Variants in ALDH7A1 observed in about 807,000 individuals in gnomAD.
ALDH7A1 encodes aldehyde dehydrogenase 7 family member A1.
Under a neutral mutation model 79.9 loss-of-function variants are expected in ALDH7A1, and 63 were observed. The ratio of observed to expected loss-of-function variants is 0.79; its 90% confidence interval spans 0.64 to 0.97. The LOEUF is 0.97. Among genes scored for constraint, ALDH7A1 ranks in the 50% least tolerant of loss-of-function variants. The pLI is 0.00. For synonymous variants in ALDH7A1, 240 were observed against 231.2 expected (o/e 1.04, Z -0.34); for missense variants, 627 against 665.2 (o/e 0.94, Z 0.63).
At chr5:126,555,497 A>G (rs1750159978) in intron 12 of ALDH7A1, 1 of 169,492 alleles carries the variant, frequency 5.9e-6, no homozygotes, top group African/African-American at 2.4e-5. Context: ...AAAAAAAAAA[A>G]AAAAAAGAAA....
chr5:126,578,334 T>C (rs1193353769), intron 5 of ALDH7A1, among the ~76,000 whole-genome samples: 1 of 151,108 alleles, frequency 6.6e-6, no homozygotes, highest in South Asian at 2.1e-4. Context: ...ATCTTTACAT[T>C]CACTATAAGA....
At chr5:126,567,712 T>C in intron 9 of ALDH7A1, 1 of 157,810 alleles carries the variant, frequency 6.3e-6, no homozygotes, top group East Asian at 1.8e-4. Context: ...GACCTCGTGA[T>C]CCACCCACCT....
rs193273728 is a variant in ALDH7A1 at position 126,574,156 on chromosome 5, T to G, written c.695+1264A>C. ...CAGTGGCTCATGCCCATCCCAGCAC[T>G]TTGGGAGGCCAAGGCAGGCGGATCA... On this transcript the variant is annotated intron_variant, in intron 7 of 17. Coordinates refer to ENST00000409134, the MANE Select transcript of ALDH7A1 (RefSeq NM_001182.5). Among the ~76,000 whole-genome samples, 97 of 152,006 alleles carry G rather than the reference T, an allele frequency of 6.4e-4. 2 individuals carry two copies. Among genetic ancestry groups the G allele is most frequent in the Middle Eastern group, 6.8e-3 (2 of 294 alleles).
chr5:126,542,990 C>T lies in ALDH7A1; in HGVS notation c.*1975G>A, dbSNP rs905488831. The T allele has an allele frequency of 6.6e-6, 1 of 152,240 alleles. No homozygotes were observed. The highest frequency in any genetic ancestry group is 1.5e-5 in the Non-Finnish European group (1 of 68,050). The allele number at this position is 152,240 out of a possible 1,614,324, so 9.4% of individuals were successfully genotyped here. A position where few individuals can be genotyped will look rare whatever the true frequency, so the allele number is the denominator to read the frequency against. ...AGCAAGCATGCTGAACACAATTCCC[C>T]GCATCCACAATGGAGGCTGGGCATT... On this transcript the variant is annotated 3_prime_UTR_variant, in exon 18 of 18. Coordinates refer to ENST00000409134, the MANE Select transcript of ALDH7A1 (RefSeq NM_001182.5).
intron 3 of ALDH7A1, among the ~76,000 whole-genome samples, chr5:126,584,938 A>G (rs189213456): frequency 9.2e-4 from 140 of 152,220 alleles, no homozygotes; most frequent in Admixed American, 2.9e-3. Flanking sequence ...ATGAGACACA[A>G]TTTCTCCAAC....
Position 126,561,108 on chromosome 5 carries a change from T to A in ALDH7A1, c.888A>T (p.Glu296Asp). The change falls in exon 10 of 18, where the codon GAA (glutamate) becomes GAT (aspartate). Residue 296 changes from glutamate (E) to aspartate (D), a missense_variant. Coordinates refer to ENST00000409134, the MANE Select transcript of ALDH7A1 (RefSeq NM_001182.5). ...CAATAATGGCATTGTTTCCTCCAAG[T>A]TCCAACAGACTTCTCCCTTAAAAGA... ...VQERFGRSLLELGGNNAIIAF... is the reference protein window; with the variant it reads ...VQERFGRSLLDLGGNNAIIAF... The A allele has an allele frequency of 6.2e-7, 1 of 1,612,912 alleles. No individual in the cohort carries two copies. The highest frequency in any genetic ancestry group is 1.3e-5 in the African/African-American group (1 of 75,036).
intron 8 of ALDH7A1, chr5:126,568,698 T>C (rs552651484): frequency 6.1e-6 from 2 of 329,192 alleles, no homozygotes; most frequent in East Asian, 7.2e-5. Context: ...TTTTAACTGC[T>C]GTGTAATTCC....
At chr5:126,594,438 A>C in intron 1 of ALDH7A1, 1 of 184,586 alleles carries the variant, frequency 5.4e-6, no homozygotes. Context: ...TAAGGTTTTA[A>C]TTTTTTTTTT....
At chr5:126,582,401 T>A (rs2112802058) in intron 5 of ALDH7A1, among the ~76,000 whole-genome samples, 1 of 152,366 alleles carries the variant, frequency 6.6e-6, no homozygotes, top group Non-Finnish European at 1.5e-5. Context: ...TTATTTTTAG[T>A]ACATGCTAAT....
At chr5:126,560,426 G>A (rs1420092951) in intron 10 of ALDH7A1, among the ~76,000 whole-genome samples, 1 of 152,014 alleles carries the variant, frequency 6.6e-6, no homozygotes, top group African/African-American at 2.4e-5. Context: ...AGCTGAGATC[G>A]CACCACTGCA....
chr5:126,560,686 C>T (rs1750373942), intron 10 of ALDH7A1, among the ~76,000 whole-genome samples: 1 of 152,084 alleles, frequency 6.6e-6, no homozygotes, highest in African/African-American at 2.4e-5. Context: ...CTCAATATTC[C>T]ACTAAAGACA....
At chr5:126,548,894 TAAAAAA>T (rs33926729) in intron 16 of ALDH7A1, among the ~76,000 whole-genome samples, 1 of 93,386 alleles carries the variant, frequency 1.1e-5, no homozygotes, top group Non-Finnish European at 2.0e-5. Context: ...GGCCTGTTTC[TAAAAAA>T]AAAAAAAAAA....
Position 126,555,968 on chromosome 5 carries a change from CT to C in ALDH7A1, c.1055del (p.Lys352ArgfsTer27). 1 of 1,613,502 alleles carries C rather than the reference CT, an allele frequency of 6.2e-7. No individual in the cohort carries two copies. ...IHDEVVNRLKKAYAQIRVGNP... is the reference protein window; with the variant it reads ...IHDEVVNRLKXAYAQIRVGNP... ...TCCCAACTCGGATCTGTGCATAGGC[CT>C]TTTTAAGTCTGTTTACAACCTCATC... On this transcript the variant is annotated frameshift_variant, in exon 12 of 18. Transcript: ENST00000409134. LOFTEE classifies it high-confidence loss of function.
At chr5:126,564,451 G>T in intron 9 of ALDH7A1, 1 of 1,030,252 alleles carries the variant, frequency 9.7e-7, no homozygotes. Flanking sequence ...CCCAGCCTTA[G>T]ACATACATTT....
chr5:126,577,533 G>A (rs553033076), intron 5 of ALDH7A1, among the ~76,000 whole-genome samples: 3 of 152,162 alleles, frequency 2.0e-5, no homozygotes, highest in Non-Finnish European at 4.4e-5. Context: ...GATCACAAAG[G>A]GCAGAACATG....
At chr5:126,576,557 T>C (rs1750976754) in intron 6 of ALDH7A1, among the ~76,000 whole-genome samples, 1 of 151,912 alleles carries the variant, frequency 6.6e-6, no homozygotes, top group African/African-American at 2.4e-5. Context: ...ATCAGATATT[T>C]TGCAGAGTTG....
At chr5:126,565,227 T>C (rs1750531879) in intron 9 of ALDH7A1, among the ~76,000 whole-genome samples, 1 of 152,018 alleles carries the variant, frequency 6.6e-6, no homozygotes, top group Non-Finnish European at 1.5e-5. Flanking sequence ...ACCCTGTCTC[T>C]ACTAAAAATA....
chr5:126,556,966 T>C (rs951191626), intron 11 of ALDH7A1, among the ~76,000 whole-genome samples: 2 of 152,340 alleles, frequency 1.3e-5, no homozygotes, highest in Middle Eastern at 3.4e-3. Flanking sequence ...ATGACTAATA[T>C]TACCTATTAA....
At chr5:126,546,298 C>A (rs907348192) in intron 17 of ALDH7A1, 26 bp downstream of exon 17, 6 of 1,611,676 alleles carry the variant, frequency 3.7e-6, no homozygotes, top group Admixed American at 3.3e-5. Context: ...TAAGCCCAAA[C>A]CTATCTTCCC....
Sources: allele counts gnomAD v4.1 joint callset (sites outside exome capture counted in the v4.1 genomes callset), GRCh38; gene constraint gnomAD v4.1.1; transcripts MANE v1.5; gene names NCBI Gene and HGNC (gene_info 2026-07-23, HGNC 2026-07-21).